Variants in AKAP19 observed in about 807,000 individuals in gnomAD.
AKAP19 encodes small A-kinase anchoring protein.
At chr2:189,989,321 G>A in the AKAP19 span, among the ~76,000 whole-genome samples, 1 of 151,680 alleles carries the variant, frequency 6.6e-6, no homozygotes, top group Non-Finnish European at 1.5e-5. Context: ...AGGAAAAGCA[G>A]AACAAATCAC....
At chr2:190,032,467 A>T in the AKAP19 span, among the ~76,000 whole-genome samples, 1 of 152,178 alleles carries the variant, frequency 6.6e-6, no homozygotes, top group African/African-American at 2.4e-5. Context: ...TATTTGACAC[A>T]TGTATGCATT....
chr2:190,140,584 C>T, the AKAP19 span, among the ~76,000 whole-genome samples: 80,279 of 152,030 alleles, frequency 0.53, 21,815 homozygotes, highest in Middle Eastern at 0.64. Context: ...GAAGCCATGG[C>T]CACACTGTAC....
the AKAP19 span, among the ~76,000 whole-genome samples, chr2:190,173,162 T>C: frequency 6.6e-6 from 1 of 152,118 alleles, no homozygotes; most frequent in Admixed American, 6.5e-5. Flanking sequence ...GAAGGGCTGT[T>C]ATGGTTCTCA....
At chr2:190,164,253 G>A in the AKAP19 span, among the ~76,000 whole-genome samples, 1 of 152,192 alleles carries the variant, frequency 6.6e-6, no homozygotes, top group Non-Finnish European at 1.5e-5. Context: ...AAGGCAAATC[G>A]GTCAGATGTG....
the AKAP19 span, among the ~76,000 whole-genome samples, chr2:189,913,352 G>A: frequency 6.6e-6 from 1 of 151,902 alleles, no homozygotes; most frequent in Admixed American, 6.6e-5. Context: ...TATTGGTTTT[G>A]TAATTATTTT....
chr2:189,884,829 C>T, the AKAP19 span, among the ~76,000 whole-genome samples: 2 of 152,164 alleles, frequency 1.3e-5, no homozygotes, highest in East Asian at 1.9e-4. Flanking sequence ...TCTGCATTTC[C>T]AGCAAGTTCT....
At chr2:190,201,465 T>C in the AKAP19 span, 6 of 167,140 alleles carry the variant, frequency 3.6e-5, no homozygotes, top group Admixed American at 2.0e-4. Flanking sequence ...CTGTGTATGT[T>C]AGATCCACAA....
At chr2:190,006,950 G>A in the AKAP19 span, among the ~76,000 whole-genome samples, 1 of 152,044 alleles carries the variant, frequency 6.6e-6, no homozygotes, top group Non-Finnish European at 1.5e-5. Flanking sequence ...AACTGGTGGG[G>A]CAGAGGTTGC....
chr2:189,981,685 A>G, the AKAP19 span, among the ~76,000 whole-genome samples: 1 of 152,164 alleles, frequency 6.6e-6, no homozygotes, highest in African/African-American at 2.4e-5. Flanking sequence ...CATTTCTTGT[A>G]GTTTCAGCCT....
At chr2:189,895,856 G>C in the AKAP19 span, among the ~76,000 whole-genome samples, 1 of 151,798 alleles carries the variant, frequency 6.6e-6, no homozygotes, top group Non-Finnish European at 1.5e-5. Context: ...GAAAATCATA[G>C]TGCTATTACC....
the AKAP19 span, among the ~76,000 whole-genome samples, chr2:190,160,749 A>T: frequency 1.3e-5 from 2 of 152,136 alleles, no homozygotes; most frequent in African/African-American, 2.4e-5. Flanking sequence ...GACAGATACT[A>T]AATATTAACT....
chr2:190,183,384 G>A, the AKAP19 span, among the ~76,000 whole-genome samples: 34 of 152,252 alleles, frequency 2.2e-4, no homozygotes, highest in East Asian at 5.4e-3. Context: ...AGGACATTAT[G>A]AGAAAAATGT....
chr2:190,100,543 T>C, the AKAP19 span, among the ~76,000 whole-genome samples: 111 of 152,204 alleles, frequency 7.3e-4, no homozygotes, highest in African/African-American at 2.6e-3. Flanking sequence ...ATAACTACGT[T>C]TGAGACTCAG....
chr2:190,056,057 TAA>T, the AKAP19 span: 3 of 152,602 alleles, frequency 2.0e-5, no homozygotes, highest in East Asian at 5.8e-4. Flanking sequence ...CATGAATCCA[TAA>T]GTGAATGTTA....
At chr2:190,150,714 G>A in the AKAP19 span, among the ~76,000 whole-genome samples, 3 of 151,482 alleles carry the variant, frequency 2.0e-5, no homozygotes. Context: ...TAGTCCTTTG[G>A]ACAAAGTATG....
the AKAP19 span, among the ~76,000 whole-genome samples, chr2:190,148,948 T>C: frequency 5.8e-5 from 1 of 17,212 alleles, no homozygotes; most frequent in Admixed American, 1.2e-3. Flanking sequence ...TCTTTTCTTT[T>C]CTTTCTTTTT....
chr2:189,923,774 C>G, the AKAP19 span: 10 of 1,613,060 alleles, frequency 6.2e-6, no homozygotes, highest in Non-Finnish European at 8.5e-6. Context: ...GAAACGTCAG[C>G]GTGTATCAGG....
the AKAP19 span, among the ~76,000 whole-genome samples, chr2:190,132,023 TAAC>T: frequency 6.6e-6 from 1 of 152,108 alleles, no homozygotes; most frequent in Non-Finnish European, 1.5e-5. Flanking sequence ...TTCTTTATAC[TAAC>T]AACGAGCTAT....
At chr2:190,155,448 A>G in the AKAP19 span, among the ~76,000 whole-genome samples, 2 of 152,216 alleles carry the variant, frequency 1.3e-5, no homozygotes, top group African/African-American at 4.8e-5. Context: ...TAGGTGAAAA[A>G]AAGAAGGGGG....
Sources: gnomAD v4.1 joint callset for allele counts (sites outside exome capture counted in the v4.1 genomes callset) on GRCh38, gnomAD v4.1.1 for gene constraint, MANE v1.5 for transcripts, NCBI Gene and HGNC (gene_info 2026-07-23, HGNC 2026-07-21) for gene names.